Variants in USP35 observed in about 807,000 individuals in gnomAD.
The protein encoded by USP35 is ubiquitin carboxyl-terminal hydrolase 35.
USP35 carries 69 observed loss-of-function variants against 83.8 expected under a neutral mutation model. The ratio of observed to expected loss-of-function variants is 0.82; its 90% confidence interval spans 0.68 to 1.01. The LOEUF is 1.01. Ranked by LOEUF, USP35 falls within the 50% of genes least tolerant of loss-of-function variation. The pLI is 0.00. For missense variants in USP35, 1,503 were observed against 1,362.5 expected (o/e 1.10, Z -1.62); for synonymous variants, 714 against 589.5 (o/e 1.21, Z -3.06).
At position 78,213,956 on chromosome 11, in the gene USP35, A is replaced by C. The variant is rs1863932164; in HGVS notation, c.*143A>C. 2.3e-6 allele frequency: 2 copies of C among 884,454 alleles called. No individual in the cohort carries two copies. Among genetic ancestry groups the C allele is most frequent in the Non-Finnish European group, 3.2e-6 (2 of 628,290 alleles). The allele number at this position is 884,454 out of a possible 1,614,324, so 54.8% of individuals were successfully genotyped here. A position where few individuals can be genotyped will look rare whatever the true frequency, so the allele number is the denominator to read the frequency against. ...TCAGCCTGATGAAGGGTACACAGAG[A>C]TTCTCTCAGATATGGAAGTAAGACC... On this transcript the variant is annotated 3_prime_UTR_variant, in exon 11 of 11. Transcript: ENST00000529308.
At chr11:78,213,380 G>A (rs570220957) in intron 10 of USP35, among the ~76,000 whole-genome samples, 4 of 152,260 alleles carry the variant, frequency 2.6e-5, no homozygotes, top group East Asian at 1.9e-4. Flanking sequence ...CAGACCTCTC[G>A]GTACCACATT....
At chr11:78,225,262 C>A in the USP35 span, 1 of 1,099,372 alleles carries the variant, frequency 9.1e-7, no homozygotes, top group South Asian at 1.3e-5. Context: ...GACACTTACC[C>A]ATACCCTCAC....
the USP35 span, among the ~76,000 whole-genome samples, chr11:78,226,127 T>C: frequency 6.6e-6 from 1 of 152,384 alleles, no homozygotes; most frequent in South Asian, 2.1e-4. Context: ...ATTTTTTAAA[T>C]CTTTGATTTG....
the USP35 span, among the ~76,000 whole-genome samples, chr11:78,231,480 G>C: frequency 6.6e-6 from 1 of 152,206 alleles, no homozygotes; most frequent in Middle Eastern, 3.4e-3. Context: ...ACCCTGAGTA[G>C]CTGTGATTAC....
In USP35 at chr11:78,193,404, C is replaced by T. The variant is rs539338020; in HGVS notation, c.-10-2832C>T. On this transcript the variant is annotated intron_variant, in intron 1 of 10. Transcript: ENST00000529308. ...TTTTTTTGTAGAGATGGGGTTTTGCCATGTTGCCCAGGCTGGTCTCAACCT... is the reference window on the plus strand; with the variant it reads ...TTTTTTTGTAGAGATGGGGTTTTGCTATGTTGCCCAGGCTGGTCTCAACCT... Among the ~76,000 whole-genome samples the T allele has an allele frequency of 7.3e-5, 11 of 149,758 alleles. 1 individual carries two copies. The highest frequency in any genetic ancestry group is 2.5e-4 in the African/African-American group (10 of 40,230).
chr11:78,197,795 C>A (rs1006820742), intron 2 of USP35, 141 bp from the exon 3 acceptor site: 2 of 1,236,472 alleles, frequency 1.6e-6, no homozygotes, highest in Admixed American at 2.9e-5. Context: ...AGAGACTTTG[C>A]TTGCTATAGG....
In USP35 at chr11:78,208,856, G is replaced by T; in HGVS notation, c.1486-1G>T. 1 of 1,614,184 alleles carries T rather than the reference G, an allele frequency of 6.2e-7. No individual in the cohort carries two copies. The highest frequency in any genetic ancestry group is 1.1e-5 in the South Asian group (1 of 91,086). ...CATGCCTTTCGCCTGCCTTGTCCTAGCGGCCTGCCATTTCCCCAGAGAACT... is the reference window on the plus strand; with the variant it reads ...CATGCCTTTCGCCTGCCTTGTCCTATCGGCCTGCCATTTCCCCAGAGAACT... On this transcript the variant is annotated splice_acceptor_variant, in intron 8 of 10. Transcript: ENST00000529308. LOFTEE classifies it high-confidence loss of function.
downstream of USP35, chr11:78,216,589 C>T (rs1864158498): frequency 1.3e-5 from 2 of 149,352 alleles, no homozygotes; most frequent in Non-Finnish European, 2.9e-5. Context: ...GAATAGGGGG[C>T]TGGAAGGAAG....
intron 10 of USP35, among the ~76,000 whole-genome samples, chr11:78,211,615 G>GTTGT (rs768008379): frequency 1.3e-5 from 2 of 152,218 alleles, no homozygotes; most frequent in Non-Finnish European, 2.9e-5. Flanking sequence ...ACCAGCATAT[G>GTTGT]TTGTTTCCTG....
chr11:78,219,445 A>G, downstream of USP35: 1 of 1,610,208 alleles, frequency 6.2e-7, no homozygotes, highest in Non-Finnish European at 8.5e-7. Flanking sequence ...AAGAGGGAGT[A>G]GCTGTGAGTT....
rs564102409 is a variant in USP35 at position 78,210,697 on chromosome 11, A to G, written c.2842A>G (p.Lys948Glu). 2 of 1,593,534 alleles carry G rather than the reference A, an allele frequency of 1.3e-6. No homozygotes were observed. Among genetic ancestry groups the G allele is most frequent in the East Asian group, 2.2e-5 (1 of 44,578 alleles). Residue 948 changes from lysine (K) to glutamate (E), a missense_variant, in exon 10 of 11, where the codon AAG becomes GAG. Lys to Glu is a moderately conservative substitution (Grantham distance 56). Transcript: ENST00000529308. ...SRVRTEPTLH[K>E]DLMEAISKDN... is the part of the protein sequence containing the mutation. Reference sequence around the variant, plus strand: ...AGTCCGGACAGAGCCCACCCTGCACAAGGACTTGATGGAAGCCATTTCCAA... The same window carrying G: ...AGTCCGGACAGAGCCCACCCTGCACGAGGACTTGATGGAAGCCATTTCCAA...
chr11:78,234,189 C>T, the USP35 span, among the ~76,000 whole-genome samples: 2 of 152,118 alleles, frequency 1.3e-5, no homozygotes, highest in African/African-American at 4.8e-5. Flanking sequence ...CTCAAGTGAT[C>T]CTCCCACCAC....
At position 78,205,894 on chromosome 11, in the gene USP35, C is replaced by G; in HGVS notation, c.1250C>G (p.Ala417Gly). The G allele has an allele frequency of 6.2e-7, 1 of 1,614,246 alleles. No homozygotes were observed. The highest frequency in any genetic ancestry group is 8.5e-7 in the Non-Finnish European group (1 of 1,180,030). ...ATCAAGCAGCTGCTGGGGCAGGATGCCTGGACTTCGCAGAAGAGCGAGCTG... is the reference window on the plus strand; with the variant it reads ...ATCAAGCAGCTGCTGGGGCAGGATGGCTGGACTTCGCAGAAGAGCGAGCTG... ...DRIKQLLGQDAWTSQKSELAG... is the reference protein window; with the variant it reads ...DRIKQLLGQDGWTSQKSELAG... The change falls in exon 7 of 11, where the codon GCC (alanine) becomes GGC (glycine). Residue 417 changes from alanine to glycine, a missense_variant. By Grantham distance (60) the Ala-to-Gly change is moderately conservative. Transcript: ENST00000529308.
At chr11:78,211,025 C>T (rs940398690) in intron 10 of USP35, among the ~76,000 whole-genome samples, 1 of 152,158 alleles carries the variant, frequency 6.6e-6, no homozygotes, top group African/African-American at 2.4e-5. Context: ...TGGTTTGCTG[C>T]ACAGATCAAC....
chr11:78,225,344 C>T, the USP35 span: 30 of 604,088 alleles, frequency 5.0e-5, no homozygotes, highest in South Asian at 2.3e-4. Context: ...GGAATTTCTT[C>T]GAACACATCA....
downstream of USP35, chr11:78,217,102 C>CAG (rs1309223980): frequency 6.6e-6 from 1 of 152,164 alleles, no homozygotes; most frequent in African/African-American, 2.4e-5. Context: ...AGGCCTACCT[C>CAG]AGGCACTCCC....
the USP35 span, among the ~76,000 whole-genome samples, chr11:78,230,920 A>T: frequency 2.6e-4 from 40 of 152,312 alleles, no homozygotes; most frequent in Non-Finnish European, 5.3e-4. Flanking sequence ...TGTCACTGTG[A>T]TGACCTGAGT....
the USP35 span, among the ~76,000 whole-genome samples, chr11:78,234,238 G>A: frequency 0.28 from 42,387 of 151,952 alleles, 7,369 homozygotes; most frequent in African/African-American, 0.48. Flanking sequence ...ACATGTGACC[G>A]TGCCTGGCTA....
chr11:78,212,413 G>A (rs1404207628), intron 10 of USP35, among the ~76,000 whole-genome samples: 4 of 152,174 alleles, frequency 2.6e-5, no homozygotes, highest in African/African-American at 7.2e-5. Flanking sequence ...GGATGGTCTT[G>A]GCTATATGGA....
Sources: gnomAD v4.1 joint callset for allele counts (sites outside exome capture counted in the v4.1 genomes callset) on GRCh38, gnomAD v4.1.1 for gene constraint, MANE v1.5 for transcripts, NCBI Gene and HGNC (gene_info 2026-07-23, HGNC 2026-07-21) for gene names.